KLHL1: variants seen among roughly 807,000 people sequenced by gnomAD.
The protein encoded by KLHL1 is kelch like family member 1.
In KLHL1, 47 loss-of-function variants were observed where a neutral mutation model predicts 77.7. The ratio of observed to expected loss-of-function variants is 0.60; its 90% CI spans 0.48 to 0.77. The LOEUF is 0.77. KLHL1 is among the 30% of genes least tolerant of loss of function. The pLI is 0.00. For missense variants in KLHL1, 925 were observed against 910.8 expected, an observed-to-expected ratio of 1.02 and a Z score of -0.20; for synonymous variants, 360 against 325.2, an observed-to-expected ratio of 1.11 and a Z score of -1.15.
intron 4 of KLHL1, among the ~76,000 whole-genome samples, chr13:69,913,174 G>A (rs763914899): frequency 4.6e-5 from 7 of 151,872 alleles, no homozygotes; most frequent in South Asian, 4.1e-4. Context: ...TTTTCATGTC[G>A]TCAACTCACT....
chr13:69,807,345 C>G (rs879680167), intron 6 of KLHL1, among the ~76,000 whole-genome samples: 4 of 152,076 alleles, frequency 2.6e-5, no homozygotes, highest in Admixed American at 2.0e-4. Context: ...ATGGCAGCAG[C>G]TGCTGCCTAG....
chr13:69,804,056 A>T (rs1160815993), intron 6 of KLHL1, among the ~76,000 whole-genome samples: 2 of 152,216 alleles, frequency 1.3e-5, no homozygotes, highest in Non-Finnish European at 2.9e-5. Context: ...TTGTTACAGC[A>T]GCAGTACAGT....
intron 1 of KLHL1, among the ~76,000 whole-genome samples, chr13:70,030,049 C>A (rs915689192): frequency 5.9e-5 from 9 of 152,116 alleles, no homozygotes; most frequent in South Asian, 2.1e-4. Context: ...GCTAACTATC[C>A]TAAATATATA....
intron 6 of KLHL1, among the ~76,000 whole-genome samples, chr13:69,826,291 T>C (rs551119171): frequency 1.6e-4 from 25 of 152,186 alleles, no homozygotes; most frequent in Non-Finnish European, 3.5e-4. Flanking sequence ...TTAATAACAA[T>C]GTATTGTCTA....
At chr13:69,974,936 A>T (rs1884499248) in intron 2 of KLHL1, among the ~76,000 whole-genome samples, 1 of 152,068 alleles carries the variant, frequency 6.6e-6, no homozygotes, top group South Asian at 2.1e-4. Flanking sequence ...TGACAGATTG[A>T]ACTCTAAATC....
chr13:69,730,832 G>A (rs781610384), intron 8 of KLHL1, among the ~76,000 whole-genome samples: 11 of 151,940 alleles, frequency 7.2e-5, no homozygotes, highest in Non-Finnish European at 1.3e-4. Flanking sequence ...CTCTCACCTC[G>A]GCCTCCCAAA....
chr13:69,941,606 G>T (rs988025954), intron 3 of KLHL1, among the ~76,000 whole-genome samples: 1 of 151,898 alleles, frequency 6.6e-6, no homozygotes, highest in African/African-American at 2.4e-5. Context: ...AAATAACAAA[G>T]ATCAGAGCAG....
chr13:69,994,475 G>C (rs948636283), intron 1 of KLHL1, among the ~76,000 whole-genome samples: 1 of 152,032 alleles, frequency 6.6e-6, no homozygotes, highest in African/African-American at 2.4e-5. Flanking sequence ...TTTTCCTTAG[G>C]ACCTGTCCTC....
intron 8 of KLHL1, among the ~76,000 whole-genome samples, chr13:69,736,232 T>C (rs1873755660): frequency 6.6e-6 from 1 of 152,104 alleles, no homozygotes; most frequent in African/African-American, 2.4e-5. Flanking sequence ...GCTAAGGACA[T>C]GAATAGACAA....
chr13:69,969,885 G>C (rs935896493), intron 2 of KLHL1, among the ~76,000 whole-genome samples: 1 of 152,126 alleles, frequency 6.6e-6, no homozygotes, highest in Non-Finnish European at 1.5e-5. Flanking sequence ...AACCACACTA[G>C]AAAATCTCTT....
In KLHL1 at chr13:70,106,012, A is replaced by T. The variant is rs1284063207; in HGVS notation, c.497+1191T>A. Among the ~76,000 whole-genome samples, 42 of 150,896 alleles carry T rather than the reference A, an allele frequency of 2.8e-4. 1 individual carries two copies. Among genetic ancestry groups the T allele is most frequent in the Non-Finnish European group, 5.9e-5 (4 of 67,548 alleles). ...ATATATATAATGTATATAATTGAAAATTTTTAAGGATATTTTTAAATCTAT... is the reference window on the plus strand; with the variant it reads ...ATATATATAATGTATATAATTGAAATTTTTTAAGGATATTTTTAAATCTAT... On this transcript the variant is annotated intron_variant, in intron 1 of 10. Transcript: ENST00000377844.
chr13:70,104,212 A>C (rs563993336), intron 1 of KLHL1, among the ~76,000 whole-genome samples: 6 of 152,328 alleles, frequency 3.9e-5, no homozygotes, highest in Admixed American at 1.3e-4. Flanking sequence ...AGAGAAATTA[A>C]TGATTAATAG....
At chr13:69,714,699 T>A (rs1480262822) in intron 9 of KLHL1, among the ~76,000 whole-genome samples, 2 of 151,852 alleles carry the variant, frequency 1.3e-5, no homozygotes, top group African/African-American at 4.8e-5. Context: ...GCTCAAGTGA[T>A]CCTCCCACCT....
chr13:69,947,801 T>A (rs189030064), intron 3 of KLHL1, among the ~76,000 whole-genome samples: 1 of 152,290 alleles, frequency 6.6e-6, no homozygotes, highest in East Asian at 1.9e-4. Flanking sequence ...CATGCTGTAT[T>A]TCTCGGCCAG....
intron 7 of KLHL1, among the ~76,000 whole-genome samples, chr13:69,791,987 T>A (rs1290699591): frequency 6.6e-6 from 1 of 152,108 alleles, no homozygotes; most frequent in African/African-American, 2.4e-5. Flanking sequence ...TTGCAGAGCG[T>A]CAGGAGAAAT....
chr13:69,733,707 G>T (rs936948126), intron 8 of KLHL1, among the ~76,000 whole-genome samples: 2 of 152,146 alleles, frequency 1.3e-5, no homozygotes, highest in Admixed American at 1.3e-4. Flanking sequence ...AGTCAGTAGG[G>T]CACATGGAGC....
chr13:69,934,987 T>C (rs1883131826), intron 4 of KLHL1, among the ~76,000 whole-genome samples: 1 of 134,966 alleles, frequency 7.4e-6, no homozygotes, highest in Non-Finnish European at 1.5e-5. Context: ...TATATATATA[T>C]ATGTATATAT....
At chr13:69,978,699 C>A (rs1258329644) in intron 1 of KLHL1, among the ~76,000 whole-genome samples, 2 of 152,002 alleles carry the variant, frequency 1.3e-5, no homozygotes, top group East Asian at 2.0e-4. Flanking sequence ...GTTTGTCAGG[C>A]TGGTCTTGAA....
chr13:69,780,716 GTATATATATATATATACA>G (rs1876120604), intron 7 of KLHL1, among the ~76,000 whole-genome samples: 12 of 47,702 alleles, frequency 2.5e-4, no homozygotes, highest in Middle Eastern at 0.012. Flanking sequence ...ATATATATAT[GTATATATATATATATACA>G]TATATATATA....
Sources: allele counts gnomAD v4.1 joint callset (sites outside exome capture counted in the v4.1 genomes callset), GRCh38; gene constraint gnomAD v4.1.1; transcripts MANE v1.5; gene names NCBI Gene and HGNC (gene_info 2026-07-23, HGNC 2026-07-21).